The following PTPRQ variants were observed in gnomAD, a reference collection of about 807,000 sequenced individuals.
PTPRQ encodes phosphatidylinositol phosphatase PTPRQ.
PTPRQ carries 199 observed loss-of-function variants against 246.0 expected under a neutral mutation model. The ratio of observed to expected loss-of-function variants is 0.81; its 90% CI spans 0.72 to 0.91. The LOEUF (loss-of-function observed/expected upper bound fraction) is 0.91. PTPRQ is among the 40% of genes least tolerant of loss of function. The probability of loss-of-function intolerance (pLI) is 0.00; values close to 1 mark genes in which losing one functional copy is unlikely to be tolerated. For synonymous variants in PTPRQ, 869 were observed against 853.2 expected (o/e 1.02, Z -0.32); for missense variants, 2,624 against 2,528.4 (o/e 1.04, Z -0.81).
chr12:80,587,152 T>C (rs1269868013), intron 25 of PTPRQ, among the ~76,000 whole-genome samples: 1 of 152,208 alleles, frequency 6.6e-6, no homozygotes, highest in Non-Finnish European at 1.5e-5. Context: ...ATCCTACCTG[T>C]ACATATTAGA....
At position 80,610,590 on chromosome 12, in the gene PTPRQ, C is replaced by A; in HGVS notation, c.4883C>A (p.Ser1628Ter). Residue 1628 changes from serine to a stop codon, truncating the protein, a stop_gained, in exon 28 of 45, where the codon TCA becomes TAA. Coordinates refer to ENST00000644991, the MANE Select transcript of PTPRQ (RefSeq NM_001145026.2). LOFTEE classifies it high-confidence loss of function. ...NISAAYVEGK[S>*]SAEMIVTTLE... ...AGTGCTGCATATGTAGAAGGGAAGTCAAGTGCTGAAATGATTGTTACTACT... is the reference window on the plus strand; with the variant it reads ...AGTGCTGCATATGTAGAAGGGAAGTAAAGTGCTGAAATGATTGTTACTACT... 3.2e-6 allele frequency: 5 copies of A among 1,543,346 alleles called. No individual in the cohort carries two copies. In the South Asian group the frequency reaches 4.8e-5, roughly 15 times the overall value.
chr12:80,497,870 C>T (rs1358829774), intron 14 of PTPRQ, among the ~76,000 whole-genome samples: 1 of 152,044 alleles, frequency 6.6e-6, no homozygotes, highest in African/African-American at 2.4e-5. Flanking sequence ...CAAATATCAG[C>T]AATTTCATAT....
intron 8 of PTPRQ, among the ~76,000 whole-genome samples, chr12:80,478,469 G>C (rs1399998187): frequency 1.3e-5 from 2 of 152,104 alleles, no homozygotes; most frequent in African/African-American, 4.8e-5. Flanking sequence ...AAAAAGCAGA[G>C]CGCCTCTCCT....
At chr12:80,478,729 G>A (rs1565732844) in intron 8 of PTPRQ, among the ~76,000 whole-genome samples, 1 of 152,196 alleles carries the variant, frequency 6.6e-6, no homozygotes, top group Non-Finnish European at 1.5e-5. Flanking sequence ...CGTGAAGAAT[G>A]CAGAAGCCTC....
intron 43 of PTPRQ, among the ~76,000 whole-genome samples, chr12:80,673,793 G>GT (rs1901049715): frequency 6.6e-6 from 1 of 151,924 alleles, no homozygotes; most frequent in Non-Finnish European, 1.5e-5. Flanking sequence ...TAACTGTGAG[G>GT]TTTTTGTTTG....
chr12:80,598,668 G>A (rs1478631318), intron 26 of PTPRQ, among the ~76,000 whole-genome samples: 1 of 151,904 alleles, frequency 6.6e-6, no homozygotes, highest in Non-Finnish European at 1.5e-5. Flanking sequence ...TAGAAATCTG[G>A]TGGCCTAGTG....
chr12:80,583,336 AT>A (rs1283605347), intron 25 of PTPRQ, among the ~76,000 whole-genome samples: 2 of 152,088 alleles, frequency 1.3e-5, no homozygotes, highest in Non-Finnish European at 2.9e-5. Context: ...TTTTTGAGTG[AT>A]TTTTTTCAAT....
rs1271365055 is a variant in PTPRQ at position 80,588,405 on chromosome 12, G to C, written c.4562G>C (p.Gly1521Ala). The part of the protein sequence containing the change: ...RFQVAASTNA[G>A]YGNASNWIST... ...CAAGTGGCTGCCAGCACCAATGCTG[G>C]CTATGGCAATGCTTCAAACTGGATT... Residue 1521 changes from glycine to alanine, a missense_variant, in exon 26 of 45, where the codon GGC (glycine) becomes GCC (alanine). By Grantham distance (60) the Gly-to-Ala change is moderately conservative. Coordinates refer to ENST00000644991, the MANE Select transcript of PTPRQ (RefSeq NM_001145026.2). The C allele has an allele frequency of 1.3e-6, 2 of 1,515,992 alleles. No individual in the cohort carries two copies. Among genetic ancestry groups the C allele is most frequent in the Non-Finnish European group, 1.8e-6 (2 of 1,129,286 alleles). 93.9% of individuals were successfully genotyped at this position (1,515,992 alleles called of 1,614,324 possible). A position where few individuals can be genotyped will look rare whatever the true frequency, so the allele number is the denominator to read the frequency against.
intron 14 of PTPRQ, among the ~76,000 whole-genome samples, chr12:80,499,244 C>T (rs1894723662): frequency 6.6e-6 from 1 of 151,974 alleles, no homozygotes; most frequent in Non-Finnish European, 1.5e-5. Flanking sequence ...CCAGGCCTAA[C>T]AATCAGAGTA....
At chr12:80,453,058 T>C (rs1478288133) in intron 3 of PTPRQ, among the ~76,000 whole-genome samples, 3 of 152,098 alleles carry the variant, frequency 2.0e-5, no homozygotes, top group African/African-American at 2.4e-5. Context: ...GGAGGCTTTG[T>C]TCATTTCTTT....
chr12:80,634,887 C>T, intron 34 of PTPRQ, 58 bp from the exon 35 acceptor site: 1 of 1,518,854 alleles, frequency 6.6e-7, no homozygotes, highest in South Asian at 1.3e-5. Context: ...AAAACTAAAC[C>T]TAATTTTATA....
intron 35 of PTPRQ, among the ~76,000 whole-genome samples, chr12:80,642,932 A>AAAAAAC (rs1899930935): frequency 3.0e-5 from 4 of 131,556 alleles, no homozygotes; most frequent in Admixed American, 7.6e-5. Flanking sequence ...AAAAAAAAAA[A>AAAAAAC]AAAAAAAAAA....
chr12:80,605,248 A>T (rs542222563), intron 27 of PTPRQ, 68 bp downstream of exon 27: 1 of 1,496,674 alleles, frequency 6.7e-7, no homozygotes, highest in Non-Finnish European at 8.9e-7. Flanking sequence ...TTGGAACCAG[A>T]CTATTTGAAT....
intron 37 of PTPRQ, among the ~76,000 whole-genome samples, chr12:80,651,579 A>C (rs113742611): frequency 6.6e-6 from 1 of 152,116 alleles, no homozygotes; most frequent in Non-Finnish European, 1.5e-5. Context: ...GTGCACCCTG[A>C]TAAGGATAAC....
intron 20 of PTPRQ, among the ~76,000 whole-genome samples, chr12:80,541,039 G>A (rs893054268): frequency 1.1e-4 from 16 of 151,992 alleles, no homozygotes; most frequent in Non-Finnish European, 2.4e-4. Context: ...TGAGTTGGTA[G>A]TCTGGTGACT....
chr12:80,532,407 G>C (rs764003227), intron 17 of PTPRQ, among the ~76,000 whole-genome samples: 20 of 151,934 alleles, frequency 1.3e-4, no homozygotes, highest in South Asian at 1.0e-3. Context: ...TTTTAGTGGA[G>C]ACAGGGTTTT....
intron 42 of PTPRQ, 63 bp from the exon 43 acceptor site, chr12:80,673,106 T>C: frequency 6.5e-7 from 1 of 1,538,578 alleles, no homozygotes; most frequent in East Asian, 2.5e-5. Context: ...TCATTATCTT[T>C]ATCCCCATCA....
chr12:80,658,109 T>G, intron 39 of PTPRQ, 48 bp downstream of exon 39: 1 of 1,116,208 alleles, frequency 9.0e-7, no homozygotes, highest in East Asian at 3.1e-5. Flanking sequence ...ACATAATTAC[T>G]GAAATTGTAT....
intron 35 of PTPRQ, among the ~76,000 whole-genome samples, chr12:80,641,026 A>T (rs937566402): frequency 3.3e-5 from 5 of 152,200 alleles, no homozygotes; most frequent in African/African-American, 1.2e-4. Flanking sequence ...CATTTTTGCA[A>T]CTGTAGATGG....
Sources: gnomAD v4.1 joint callset for allele counts (sites outside exome capture counted in the v4.1 genomes callset) on GRCh38, gnomAD v4.1.1 for gene constraint, MANE v1.5 for transcripts, NCBI Gene and HGNC (gene_info 2026-07-23, HGNC 2026-07-21) for gene names.